Variants in ADAMTSL2 observed in about 807,000 individuals in gnomAD.
The protein encoded by ADAMTSL2 is ADAMTS like 2, also known as ADAMTS-like protein 2.
ADAMTSL2 carries 55 observed loss-of-function variants against 117.0 expected under a neutral mutation model. The observed-to-expected ratio is 0.47, with a 90% confidence interval of 0.38 to 0.59. The LOEUF is 0.59. Among genes scored for constraint, ADAMTSL2 ranks in the 20% least tolerant of loss-of-function variants. ADAMTSL2 has a pLI of 0.00. For synonymous variants in ADAMTSL2, 572 were observed against 566.4 expected (o/e 1.01, Z -0.14); for missense variants, 1,182 against 1,354.5 (o/e 0.87, Z 2.00).
At position 133,561,740 on chromosome 9, in the gene ADAMTSL2, A is replaced by G. The variant is rs372135745; in HGVS notation, c.1747+445A>G. ...AATTCTAGGACCTCATCAGCAGGGGAGAAGTTAGGAGGGGAAAAAAGACCC... is the reference window on the plus strand; with the variant it reads ...AATTCTAGGACCTCATCAGCAGGGGGGAAGTTAGGAGGGGAAAAAAGACCC... On this transcript the variant is annotated intron_variant, in intron 12 of 18. Coordinates refer to ENST00000651351, the MANE Select transcript of ADAMTSL2 (RefSeq NM_014694.4). Among the ~76,000 whole-genome samples the G allele has an allele frequency of 7.6e-3, 1,154 of 152,198 alleles. 12 individuals carry two copies. The highest frequency in any genetic ancestry group is 0.027 in the African/African-American group (1,107 of 41,532).
intron 11 of ADAMTSL2, among the ~76,000 whole-genome samples, 191 bp from the exon 12 acceptor site, chr9:133,561,007 C>T (rs1216410996): frequency 2.6e-5 from 4 of 152,214 alleles, no homozygotes; most frequent in South Asian, 2.1e-4. Context: ...CCTCTGCGGG[C>T]GCCTCATCCG....
At chr9:133,562,749 C>A (rs1321354452) in intron 12 of ADAMTSL2, among the ~76,000 whole-genome samples, 9 of 133,528 alleles carry the variant, frequency 6.7e-5, no homozygotes, top group Admixed American at 6.7e-4. Flanking sequence ...GCGTGGTGGG[C>A]ACCGGCTTGG....
chr9:133,556,536 G>A (rs1830608751), intron 11 of ADAMTSL2, among the ~76,000 whole-genome samples: 1 of 152,348 alleles, frequency 6.6e-6, no homozygotes, highest in South Asian at 2.1e-4. Flanking sequence ...TCCATGAGGG[G>A]CAAGAGCCTG....
At chr9:133,533,163 C>CTGTGTG (rs71378583), upstream of ADAMTSL2, among the ~76,000 whole-genome samples, 9,884 of 148,098 alleles carry the variant, frequency 0.067, 382 homozygotes, top group East Asian at 0.11. Flanking sequence ...GTGTGTGTGC[C>CTGTGTG]TGTGTGTGTG....
intron 9 of ADAMTSL2, among the ~76,000 whole-genome samples, chr9:133,548,750 C>G (rs1830414201): frequency 6.6e-6 from 1 of 152,162 alleles, no homozygotes; most frequent in South Asian, 2.1e-4. Context: ...AGGGAAATTC[C>G]TGGGGTGGGG....
chr9:133,568,423 G>A lies in ADAMTSL2; in HGVS notation c.2025G>A (p.Glu675=). Residue 675 remains glutamate (E), a synonymous_variant, in exon 14 of 19, where the codon GAG becomes GAA. Coordinates refer to ENST00000651351, the MANE Select transcript of ADAMTSL2 (RefSeq NM_014694.4). ...AGGCAGCCGAGGCCGTGCGGCCCGA[G>A]GAACGCAAGACCTGCCGGAACCCCG... is the stretch of plus-strand genomic sequence containing the variant. ...LCEAAEAVRP[E]ERKTCRNPAC... 1.2e-6 allele frequency: 2 copies of A among 1,609,196 alleles called. No homozygotes were observed. The highest frequency in any genetic ancestry group is 1.7e-6 in the Non-Finnish European group (2 of 1,178,626).
In ADAMTSL2 at chr9:133,558,333, T is replaced by C. The variant is rs1343655288; in HGVS notation, c.1649+2403T>C. Among the ~76,000 whole-genome samples the C allele has an allele frequency of 1.3e-5, 2 of 152,128 alleles. No homozygotes were observed. The highest frequency in any genetic ancestry group is 2.4e-5 in the African/African-American group (1 of 41,406). ...AAACCACCAGGCCAAAATAGCCACGTCTCGGCCGAGTTGTCCAAACACAGG... is the reference window on the plus strand; with the variant it reads ...AAACCACCAGGCCAAAATAGCCACGCCTCGGCCGAGTTGTCCAAACACAGG... On this transcript the variant is annotated intron_variant, in intron 11 of 18. Coordinates refer to ENST00000651351, the MANE Select transcript of ADAMTSL2 (RefSeq NM_014694.4). The surrounding 1 kb of genome is among the most constrained non-coding windows in gnomAD (Gnocchi z 4.3).
chr9:133,535,525 A>G (rs564766288), intron 1 of ADAMTSL2, among the ~76,000 whole-genome samples: 3 of 152,092 alleles, frequency 2.0e-5, no homozygotes, highest in Admixed American at 2.0e-4. Context: ...TTCAAGTTGG[A>G]TGGAGGCTGC....
chr9:133,562,552 C>T (rs1353134978), intron 12 of ADAMTSL2, among the ~76,000 whole-genome samples: 22 of 93,746 alleles, frequency 2.3e-4, no homozygotes, highest in South Asian at 9.2e-4. Context: ...CTCGCACCGC[C>T]GTGGGCGGCG....
chr9:133,574,013 G>A (rs1452215123), intron 18 of ADAMTSL2, 26 bp downstream of exon 18: 2 of 1,602,200 alleles, frequency 1.2e-6, no homozygotes, highest in Admixed American at 1.7e-5. Flanking sequence ...GCCGAGGGTG[G>A]CTCTGGGAAT....
chr9:133,551,985 A>C (rs1830497198), intron 9 of ADAMTSL2, among the ~76,000 whole-genome samples: 1 of 151,786 alleles, frequency 6.6e-6, no homozygotes, highest in African/African-American at 2.4e-5. Context: ...GCCCACCACC[A>C]CACCCAGCTA....
Position 133,540,698 on chromosome 9 carries a change from C to G in ADAMTSL2, c.513C>G (p.Cys171Trp). ...TCCCCGCCCGCGACGGCACATCCTG[C>G]AAGCTCACTGACCTGCGAGGGGTTT... is the stretch of plus-strand genomic sequence containing the variant. ...LMVPARDGTS[C>W]KLTDLRGVCV... Residue 171 changes from cysteine to tryptophan, a missense_variant, in exon 6 of 19, where the codon TGC becomes TGG. Cys to Trp is a radical substitution (Grantham distance 215, BLOSUM62 -2). Transcript: ENST00000651351. 1 of 1,613,912 alleles carries G rather than the reference C, an allele frequency of 6.2e-7. No individual in the cohort carries two copies. The highest frequency in any genetic ancestry group is 8.5e-7 in the Non-Finnish European group (1 of 1,180,050).
Position 133,573,985 on chromosome 9 carries a change from C to G in ADAMTSL2, c.2735C>G (p.Pro912Arg). The G allele has an allele frequency of 1.2e-6, 2 of 1,612,732 alleles. No individual in the cohort carries two copies. Among genetic ancestry groups the G allele is most frequent in the South Asian group, 1.1e-5 (1 of 90,924 alleles). ...CTGCAGCCCTGCCCCACGGAGCCCC[C>G]AGGTGAGGCGCGGGGAGGCCGAGGG... is the stretch of plus-strand genomic sequence containing the variant. The part of the protein sequence containing the change: ...CDLQPCPTEP[P>R]DDSCQDQPGT... Residue 912 changes from proline to arginine, a missense_variant and splice_region_variant, in exon 18 of 19, where the codon CCA becomes CGA. By Grantham distance (103) the Pro-to-Arg change is moderately radical. Coordinates refer to ENST00000651351, the MANE Select transcript of ADAMTSL2 (RefSeq NM_014694.4).
At chr9:133,571,951 C>T (rs1004161712) in intron 17 of ADAMTSL2, among the ~76,000 whole-genome samples, 1 of 152,214 alleles carries the variant, frequency 6.6e-6, no homozygotes, top group African/African-American at 2.4e-5. Context: ...AGGTGTGTAT[C>T]AGGCCCTGGC....
chr9:133,564,268 GAGAGAA>G (rs1306575782), intron 12 of ADAMTSL2, among the ~76,000 whole-genome samples: 1 of 69,814 alleles, frequency 1.4e-5, no homozygotes, highest in Non-Finnish European at 3.0e-5. Context: ...GAGGGAGAGA[GAGAGAA>G]AGAGGGAGAG....
chr9:133,549,357 C>T lies in ADAMTSL2; in HGVS notation c.939+2144C>T, dbSNP rs542064476. Reference sequence around the variant, plus strand: ...TATTTCCCCTTAGCCTGGCTTAGCACCTCAGAGGGGCCAGGTGGCTACCTG... The same window carrying T: ...TATTTCCCCTTAGCCTGGCTTAGCATCTCAGAGGGGCCAGGTGGCTACCTG... On this transcript the variant is annotated intron_variant, in intron 9 of 18. Coordinates refer to ENST00000651351, the MANE Select transcript of ADAMTSL2 (RefSeq NM_014694.4). 3.3e-5 allele frequency among the ~76,000 whole-genome samples: 5 copies of T among 152,236 alleles called. No homozygotes were observed. In the South Asian group the frequency reaches 1.0e-3, roughly 32 times the overall value.
intron 17 of ADAMTSL2, among the ~76,000 whole-genome samples, chr9:133,571,191 C>T (rs1163678216): frequency 2.0e-5 from 3 of 152,208 alleles, no homozygotes; most frequent in Non-Finnish European, 4.4e-5. Flanking sequence ...TCTCCTCTCT[C>T]CCAATAGTGC....
intron 1 of ADAMTSL2, 62 bp downstream of exon 1, chr9:133,534,979 A>C: frequency 7.5e-7 from 1 of 1,332,268 alleles, no homozygotes; most frequent in Non-Finnish European, 9.6e-7. Context: ...CCCACTGCTC[A>C]GAGTGGGGCT....
chr9:133,562,392 C>T (rs1355003141), intron 12 of ADAMTSL2, among the ~76,000 whole-genome samples: 1 of 152,228 alleles, frequency 6.6e-6, no homozygotes, highest in Non-Finnish European at 1.5e-5. Context: ...CTGCGCCTGG[C>T]ATCCTGGAGG....
Sources: gnomAD v4.1 joint callset for allele counts (sites outside exome capture counted in the v4.1 genomes callset) on GRCh38, gnomAD v4.1.1 for gene constraint, Gnocchi (gnomAD v3.1) non-coding constraint, MANE v1.5 for transcripts, NCBI Gene and HGNC (gene_info 2026-07-23, HGNC 2026-07-21) for gene names.